The following SLC5A3 variants were observed in gnomAD, a reference collection of about 807,000 sequenced individuals.
SLC5A3 encodes the protein solute carrier family 5 member 3, also known as sodium/myo-inositol cotransporter.
A neutral mutation model predicts 43.2 loss-of-function variants in SLC5A3; 10 were observed. The ratio of observed to expected loss-of-function variants is 0.23; its 90% CI spans 0.14 to 0.39. The LOEUF is 0.39. Among genes scored for constraint, SLC5A3 ranks in the 10% least tolerant of loss-of-function variants. The pLI, the probability that SLC5A3 is intolerant of heterozygous loss-of-function variation, is 1.00. For synonymous variants in SLC5A3, 349 were observed against 322.0 expected (o/e 1.08, Z -0.90); for missense variants, 608 against 893.4 (o/e 0.68, Z 4.07).
At position 34,103,724 on chromosome 21, in the gene SLC5A3, T is replaced by G. The variant is rs1383331642; in HGVS notation, c.*6369T>G. 24 of 999,950 alleles carry G rather than the reference T, an allele frequency of 2.4e-5. No homozygotes were observed. Among genetic ancestry groups the G allele is most frequent in the Non-Finnish European group, 2.8e-5 (23 of 829,898 alleles). 61.9% of individuals were successfully genotyped at this position (999,950 alleles called of 1,614,324 possible). Reference sequence around the variant, plus strand: ...TACAGTATTGATAAGCCCAAGACAATGCGGTATCTAAACTGGTCCTAATGG... The same window carrying G: ...TACAGTATTGATAAGCCCAAGACAAGGCGGTATCTAAACTGGTCCTAATGG... On this transcript the variant is annotated 3_prime_UTR_variant, in exon 2 of 2. Transcript: ENST00000381151.
At position 34,104,968 on chromosome 21, in the gene SLC5A3, G is replaced by A; in HGVS notation, c.*7613G>A. The A allele has an allele frequency of 3.0e-6, 3 of 999,532 alleles. No homozygotes were observed. Among genetic ancestry groups the A allele is most frequent in the Non-Finnish European group, 1.2e-6 (1 of 829,286 alleles). The allele number at this position is 999,532 out of a possible 1,614,324, so 61.9% of individuals were successfully genotyped here. A position where few individuals can be genotyped will look rare whatever the true frequency, so the allele number is the denominator to read the frequency against. On this transcript the variant is annotated 3_prime_UTR_variant, in exon 2 of 2. Coordinates refer to ENST00000381151, the MANE Select transcript of SLC5A3 (RefSeq NM_006933.7). Reference sequence around the variant, plus strand: ...CTAGGTGAAAAGTAGTCCTAGCAGTGTAAATATGTATAATTAGAGTTTTCT... The same window carrying A: ...CTAGGTGAAAAGTAGTCCTAGCAGTATAAATATGTATAATTAGAGTTTTCT...
chr21:34,102,750 G>A lies in SLC5A3; in HGVS notation c.*5395G>A, dbSNP rs1979305240. On this transcript the variant is annotated 3_prime_UTR_variant, in exon 2 of 2. Transcript: ENST00000381151. ...TGGTCTCAGATTTTTCGTAGTGTGG[G>A]AACAGTGGTTTTGCTCTATACCACT... 3 of 999,966 alleles carry A rather than the reference G, an allele frequency of 3.0e-6. No individual in the cohort carries two copies. In the South Asian group the frequency reaches 1.4e-4, roughly 47 times the overall value. The allele number at this position is 999,966 out of a possible 1,614,324, so 61.9% of individuals were successfully genotyped here.
Position 34,105,085 on chromosome 21 carries a change from CT to C in SLC5A3, c.*7733del. 1 of 1,000,016 alleles carries C rather than the reference CT, an allele frequency of 1.0e-6. No individual in the cohort carries two copies. 61.9% of individuals were successfully genotyped at this position (1,000,016 alleles called of 1,614,324 possible). On this transcript the variant is annotated 3_prime_UTR_variant, in exon 2 of 2. Coordinates refer to ENST00000381151, the MANE Select transcript of SLC5A3 (RefSeq NM_006933.7). ...CTGTGGGGTTATTAAAATGCAAAAG[CT>C]TTATTTTTTTTAATAATGCCATACT... is the stretch of plus-strand genomic sequence containing the variant.
intron 1 of SLC5A3, among the ~76,000 whole-genome samples, chr21:34,083,859 C>T (rs1247443901): frequency 6.6e-6 from 1 of 152,132 alleles, no homozygotes; most frequent in East Asian, 1.9e-4. Flanking sequence ...AGTATTTTAT[C>T]TGATTAGGAT....
chr21:34,090,164 C>A (rs961679373), intron 1 of SLC5A3, among the ~76,000 whole-genome samples: 1 of 152,206 alleles, frequency 6.6e-6, no homozygotes, highest in Non-Finnish European at 1.5e-5. Flanking sequence ...GCTCCACTTA[C>A]AATTTAAAAC....
Position 34,102,080 on chromosome 21 carries a change from G to A in SLC5A3, c.*4725G>A. On this transcript the variant is annotated 3_prime_UTR_variant, in exon 2 of 2. Coordinates refer to ENST00000381151, the MANE Select transcript of SLC5A3 (RefSeq NM_006933.7). Reference sequence around the variant, plus strand: ...GGTAATCTTTCGATTGCTAGACTTGGTTAACTTAGGGCTGCAAATCTTTTT... The same window carrying A: ...GGTAATCTTTCGATTGCTAGACTTGATTAACTTAGGGCTGCAAATCTTTTT... 4.0e-6 allele frequency: 4 copies of A among 1,000,044 alleles called. No homozygotes were observed. Among genetic ancestry groups the A allele is most frequent in the Non-Finnish European group, 4.8e-6 (4 of 829,822 alleles). 61.9% of individuals were successfully genotyped at this position (1,000,044 alleles called of 1,614,324 possible).
chr21:34,092,125 C>CAT (rs143732686), intron 1 of SLC5A3, among the ~76,000 whole-genome samples: 115,309 of 149,336 alleles, frequency 0.77, 46,341 homozygotes, highest in East Asian at 0.93. Context: ...GGAAGAAAAA[C>CAT]ATATATATAT....
At chr21:34,074,190 C>T (rs1989264077) in intron 1 of SLC5A3, among the ~76,000 whole-genome samples, 1 of 150,146 alleles carries the variant, frequency 6.7e-6, no homozygotes, top group Non-Finnish European at 1.5e-5. Context: ...CGTCCCGCTC[C>T]GCCGCCCGCC....
Position 34,100,056 on chromosome 21 carries a change from G to C in SLC5A3, c.*2701G>C. 1.0e-6 allele frequency: 1 copy of C among 992,306 alleles called. No individual in the cohort carries two copies. The highest frequency in any genetic ancestry group is 1.2e-6 in the Non-Finnish European group (1 of 822,928). The allele number at this position is 992,306 out of a possible 1,614,324, so 61.5% of individuals were successfully genotyped here. ...TAAATGGGTCCTAAATGATGACATT[G>C]GTCTTTAGACATTAACATGTGTATA... On this transcript the variant is annotated 3_prime_UTR_variant, in exon 2 of 2. Transcript: ENST00000381151.
Position 34,100,977 on chromosome 21 carries a change from A to C in SLC5A3, c.*3622A>C. The C allele has an allele frequency of 1.0e-6, 1 of 1,000,142 alleles. No homozygotes were observed. The highest frequency in any genetic ancestry group is 1.2e-6 in the Non-Finnish European group (1 of 829,964). The allele number at this position is 1,000,142 out of a possible 1,614,324, so 62.0% of individuals were successfully genotyped here. ...ATGATGATTCTCCTGGCTCATTTTC[A>C]TCAGAGGCATGATGACTGGAAAGGG... On this transcript the variant is annotated 3_prime_UTR_variant, in exon 2 of 2. Coordinates refer to ENST00000381151, the MANE Select transcript of SLC5A3 (RefSeq NM_006933.7).
In SLC5A3 at chr21:34,102,144, G is replaced by T; in HGVS notation, c.*4789G>T. On this transcript the variant is annotated 3_prime_UTR_variant, in exon 2 of 2. Coordinates refer to ENST00000381151, the MANE Select transcript of SLC5A3 (RefSeq NM_006933.7). ...CACTTAATATGGAATGTTTTTGTCAGACTGTCCTTTGTTGGAATACTTTAG... is the reference window on the plus strand; with the variant it reads ...CACTTAATATGGAATGTTTTTGTCATACTGTCCTTTGTTGGAATACTTTAG... 2 of 1,000,146 alleles carry T rather than the reference G, an allele frequency of 2.0e-6. No individual in the cohort carries two copies. The highest frequency in any genetic ancestry group is 2.4e-6 in the Non-Finnish European group (2 of 829,924). 62.0% of individuals were successfully genotyped at this position (1,000,146 alleles called of 1,614,324 possible). A position where few individuals can be genotyped will look rare whatever the true frequency, so the allele number is the denominator to read the frequency against.
intron 1 of SLC5A3, among the ~76,000 whole-genome samples, chr21:34,084,640 T>G (rs111545161): frequency 0.011 from 1,751 of 152,328 alleles, 37 homozygotes; most frequent in South Asian, 0.081. Flanking sequence ...TAGGTAGAGC[T>G]ATTTCCATTT....
At position 34,097,393 on chromosome 21, in the gene SLC5A3, C is replaced by G; in HGVS notation, c.*38C>G. ...GGTGAGACACTAACTTAAGACAATA[C>G]TGACTGGTCTTTGGGGAAAAAAGTT... On this transcript the variant is annotated 3_prime_UTR_variant, in exon 2 of 2. Coordinates refer to ENST00000381151, the MANE Select transcript of SLC5A3 (RefSeq NM_006933.7). 4.7e-6 allele frequency: 7 copies of G among 1,492,210 alleles called. No individual in the cohort carries two copies. The highest frequency in any genetic ancestry group is 6.2e-6 in the Non-Finnish European group (7 of 1,129,478). The allele number at this position is 1,492,210 out of a possible 1,614,324, so 92.4% of individuals were successfully genotyped here. A position where few individuals can be genotyped will look rare whatever the true frequency, so the allele number is the denominator to read the frequency against.
rs954834684 is a variant in SLC5A3 at position 34,105,943 on chromosome 21, T to A, written c.*8588T>A. ...ACCTATTGTGTACAATCTGATTTTT[T>A]AAAATTGTAAACATGTATGATCTTG... On this transcript the variant is annotated 3_prime_UTR_variant, in exon 2 of 2. Transcript: ENST00000381151. 1.0e-5 allele frequency: 10 copies of A among 992,922 alleles called. No individual in the cohort carries two copies. In the East Asian group the frequency reaches 1.0e-3, roughly 102 times the overall value. The allele number at this position is 992,922 out of a possible 1,614,324, so 61.5% of individuals were successfully genotyped here.
intron 1 of SLC5A3, among the ~76,000 whole-genome samples, chr21:34,078,486 T>G (rs1243946304): frequency 6.6e-6 from 1 of 152,168 alleles, no homozygotes; most frequent in Non-Finnish European, 1.5e-5. Flanking sequence ...CACTAATTTT[T>G]TTTCTTAATT....
chr21:34,077,872 C>CT (rs1298013738), intron 1 of SLC5A3, among the ~76,000 whole-genome samples: 4 of 152,058 alleles, frequency 2.6e-5, no homozygotes, highest in Non-Finnish European at 5.9e-5. Flanking sequence ...AAATGCAAGC[C>CT]TTTTTTGATT....
rs1403941308 is a variant in SLC5A3, at chr21:34,098,363, G to A, written c.*1008G>A. 1.0e-6 allele frequency: 1 copy of A among 1,000,136 alleles called. No individual in the cohort carries two copies. Among genetic ancestry groups the A allele is most frequent in the Non-Finnish European group, 1.2e-6 (1 of 830,004 alleles). The allele number at this position is 1,000,136 out of a possible 1,614,324, so 62.0% of individuals were successfully genotyped here. A position where few individuals can be genotyped will look rare whatever the true frequency, so the allele number is the denominator to read the frequency against. On this transcript the variant is annotated 3_prime_UTR_variant, in exon 2 of 2. Transcript: ENST00000381151. Reference sequence around the variant, plus strand: ...AAATTGACGCTGCCTTTGTGTGCTGGATTGCTCTACTTGATTAGATCATGA... The same window carrying A: ...AAATTGACGCTGCCTTTGTGTGCTGAATTGCTCTACTTGATTAGATCATGA...
chr21:34,105,040 T>G lies in SLC5A3; in HGVS notation c.*7685T>G, dbSNP rs528280500. On this transcript the variant is annotated 3_prime_UTR_variant, in exon 2 of 2. Coordinates refer to ENST00000381151, the MANE Select transcript of SLC5A3 (RefSeq NM_006933.7). The stretch of plus-strand genomic sequence containing the variant: ...ACTTTTGAGTGGCAAACAGATCAAG[T>G]CTTTTGCTCATAGACTTTTCTGTGG... 454 of 1,000,072 alleles carry G rather than the reference T, an allele frequency of 4.5e-4. 10 individuals are homozygous for G. The South Asian group carries it at 0.018, about 39-fold the overall frequency. 61.9% of individuals were successfully genotyped at this position (1,000,072 alleles called of 1,614,324 possible). A position where few individuals can be genotyped will look rare whatever the true frequency, so the allele number is the denominator to read the frequency against.
At position 34,096,599 on chromosome 21, in the gene SLC5A3, A is replaced by G. The variant is rs763361171; in HGVS notation, c.1401A>G (p.Glu467=). Residue 467 remains glutamate, a synonymous_variant, in exon 2 of 2, where the codon GAA becomes GAG. Coordinates refer to ENST00000381151, the MANE Select transcript of SLC5A3 (RefSeq NM_006933.7). This position sits in a 1 kb window ranked among gnomAD's most constrained non-coding sequence, Gnocchi z 5.9. The part of the protein sequence containing the change: ...LLAIFWKRCN[E]QGAFYGGMAG... The stretch of plus-strand genomic sequence containing the variant: ...CAATTTTCTGGAAGCGCTGCAATGA[A>G]CAAGGGGCTTTCTATGGTGGAATGG... 8 of 1,614,112 alleles carry G rather than the reference A, an allele frequency of 5.0e-6. No individual in the cohort carries two copies. The highest frequency in any genetic ancestry group is 1.7e-5 in the Admixed American group (1 of 60,018).
Sources: allele counts gnomAD v4.1 joint callset (sites outside exome capture counted in the v4.1 genomes callset), GRCh38; gene constraint gnomAD v4.1.1; non-coding constraint Gnocchi (gnomAD v3.1); transcripts MANE v1.5; gene names NCBI Gene and HGNC (gene_info 2026-07-23, HGNC 2026-07-21).